Variants in GPR137B observed in about 807,000 individuals in gnomAD.
GPR137B encodes the protein integral membrane protein GPR137B.
GPR137B carries 42 observed loss-of-function variants against 42.5 expected under a neutral mutation model. That is an observed-to-expected ratio of 0.99 (90% CI 0.77 to 1.28). The LOEUF (loss-of-function observed/expected upper bound fraction) is 1.28, where lower values mean the gene tolerates loss of function less well. Ranked by LOEUF, GPR137B falls within the 50% of genes most tolerant of loss-of-function variation. The probability of loss-of-function intolerance (pLI) is 0.00; values close to 1 mark genes in which losing one functional copy is unlikely to be tolerated. For missense variants in GPR137B, 487 were observed against 493.9 expected, an observed-to-expected ratio of 0.99 and a Z score of 0.13; for synonymous variants, 218 against 209.7, an observed-to-expected ratio of 1.04 and a Z score of -0.34.
At chr1:236,180,898 T>C (rs1662852865) in intron 4 of GPR137B, among the ~76,000 whole-genome samples, 1 of 152,200 alleles carries the variant, frequency 6.6e-6, no homozygotes, top group African/African-American at 2.4e-5. Flanking sequence ...ATTACAGGCG[T>C]AAGCCACTGT....
intron 5 of GPR137B, among the ~76,000 whole-genome samples, chr1:236,197,237 T>G (rs1348248692): frequency 2.0e-5 from 3 of 151,214 alleles, no homozygotes; most frequent in African/African-American, 7.3e-5. Flanking sequence ...GGATTAGTTG[T>G]TTTTTTTTCT....
intron 1 of GPR137B, among the ~76,000 whole-genome samples, chr1:236,151,729 T>C (rs1017562557): frequency 4.6e-5 from 7 of 152,090 alleles, no homozygotes; most frequent in Non-Finnish European, 7.4e-5. Context: ...GCCTCCCTCC[T>C]CGATTTTTAA....
intron 2 of GPR137B, among the ~76,000 whole-genome samples, chr1:236,173,390 CAGGT>C (rs1032454908): frequency 2.1e-4 from 27 of 130,876 alleles, no homozygotes; most frequent in East Asian, 7.1e-4. Context: ...GAGAGAAAGA[CAGGT>C]AGGGAAAGAG....
chr1:236,204,293 G>A (rs1191439792), intron 5 of GPR137B, among the ~76,000 whole-genome samples: 1 of 152,142 alleles, frequency 6.6e-6, no homozygotes, highest in African/African-American at 2.4e-5. Flanking sequence ...CCAATGTATT[G>A]TTGAATTTGG....
rs75230118 is a variant in GPR137B, at chr1:236,156,555, G to A, written c.415-12151G>A. Among the ~76,000 whole-genome samples, 1,722 of 152,294 alleles carry A rather than the reference G, an allele frequency of 0.011. 36 individuals are homozygous for A. Among genetic ancestry groups the A allele is most frequent in the East Asian group, 0.11 (574 of 5,184 alleles). ...ATCCTAACGCAGGCATAGAGGCCCC[G>A]CCCTTGCTCGCACTGTCTTGGAGAC... On this transcript the variant is annotated intron_variant, in intron 1 of 6. Coordinates refer to ENST00000366592, the MANE Select transcript of GPR137B (RefSeq NM_003272.4). This position sits in a 1 kb window ranked among gnomAD's most constrained non-coding sequence, Gnocchi z 4.8.
In GPR137B at chr1:236,191,807, C is replaced by T. The variant is rs371063943; in HGVS notation, c.966+7901C>T. 4.6e-5 allele frequency among the ~76,000 whole-genome samples: 7 copies of T among 152,262 alleles called. No individual in the cohort carries two copies. In the East Asian group the frequency reaches 9.7e-4, roughly 21 times the overall value. Reference sequence around the variant, plus strand: ...CCCAGTCAGGATACATGGGGGTCATCGACCCACTGAAGGCGGCAGTCTGAC... The same window carrying T: ...CCCAGTCAGGATACATGGGGGTCATTGACCCACTGAAGGCGGCAGTCTGAC... On this transcript the variant is annotated intron_variant, in intron 5 of 6. Transcript: ENST00000366592.
intron 5 of GPR137B, among the ~76,000 whole-genome samples, chr1:236,189,896 T>C (rs978635327): frequency 6.6e-6 from 1 of 152,198 alleles, no homozygotes; most frequent in African/African-American, 2.4e-5. Flanking sequence ...TTTATCTGTC[T>C]AATATTGACA....
intron 5 of GPR137B, among the ~76,000 whole-genome samples, chr1:236,194,302 TTG>T (rs568654594): frequency 7.2e-5 from 11 of 152,238 alleles, no homozygotes; most frequent in African/African-American, 1.2e-4. Context: ...TTTGTAGTTT[TTG>T]TTCTTACATT....
intron 1 of GPR137B, among the ~76,000 whole-genome samples, chr1:236,159,284 A>G (rs1397312539): frequency 6.6e-6 from 1 of 152,208 alleles, no homozygotes; most frequent in Admixed American, 6.5e-5. Context: ...ACTGCACTCC[A>G]GCCTGGGTGA....
At chr1:236,188,190 T>C (rs1663088372) in intron 5 of GPR137B, among the ~76,000 whole-genome samples, 2 of 152,256 alleles carry the variant, frequency 1.3e-5, no homozygotes, top group South Asian at 4.1e-4. Context: ...GAGACTTTGC[T>C]GAAGTTGTTT....
At chr1:236,202,721 TTTAGCC>T (rs1663528622) in intron 5 of GPR137B, among the ~76,000 whole-genome samples, 1 of 152,230 alleles carries the variant, frequency 6.6e-6, no homozygotes, top group African/African-American at 2.4e-5. Context: ...TTCTCTGCTC[TTTAGCC>T]CCAAACCTCT....
At chr1:236,143,130 T>C in intron 1 of GPR137B, 94 bp downstream of exon 1, 1 of 1,124,666 alleles carries the variant, frequency 8.9e-7, no homozygotes, top group Non-Finnish European at 1.3e-6. Context: ...CGGGGGCGGG[T>C]CCGGCCCTAG....
rs73121064 is a variant in GPR137B at position 236,152,125 on chromosome 1, C to T, written c.414+9089C>T. On this transcript the variant is annotated intron_variant, in intron 1 of 6. Transcript: ENST00000366592. ...AACATAAAGTTCAACTGGAACATGG[C>T]GATTCATTTCATTTATTCAACAGGT... Among the ~76,000 whole-genome samples, 42 of 151,998 alleles carry T rather than the reference C, an allele frequency of 2.8e-4. 1 individual carries two copies. The highest frequency in any genetic ancestry group is 5.9e-5 in the Non-Finnish European group (4 of 67,982).
chr1:236,201,721 T>C (rs1419595720), intron 5 of GPR137B, among the ~76,000 whole-genome samples: 1 of 152,140 alleles, frequency 6.6e-6, no homozygotes, highest in Non-Finnish European at 1.5e-5. Context: ...TCTCTTTGAG[T>C]AGCTTAATAA....
At chr1:236,158,847 T>G (rs1025562129) in intron 1 of GPR137B, among the ~76,000 whole-genome samples, 2 of 152,146 alleles carry the variant, frequency 1.3e-5, no homozygotes, top group Non-Finnish European at 2.9e-5. Context: ...AGAGGATTTA[T>G]AAAGTAAAAT....
rs574565278 is a variant in GPR137B, at chr1:236,171,910, A to G, written c.464+3155A>G. 5.9e-5 allele frequency among the ~76,000 whole-genome samples: 9 copies of G among 152,142 alleles called. No individual in the cohort carries two copies. Among genetic ancestry groups the G allele is most frequent in the Non-Finnish European group, 1.3e-4 (9 of 68,024 alleles). On this transcript the variant is annotated intron_variant, in intron 2 of 6. Transcript: ENST00000366592. This position sits in a 1 kb window ranked among gnomAD's most constrained non-coding sequence, Gnocchi z 4.4. ...AAAAATTAGCCAGGCATGATGGCGC[A>G]TGCCTGTAATCCCAGCTACTTGGGA...
At chr1:236,179,388 C>T (rs948096155) in intron 3 of GPR137B, among the ~76,000 whole-genome samples, 2 of 152,046 alleles carry the variant, frequency 1.3e-5, no homozygotes, top group Non-Finnish European at 2.9e-5. Flanking sequence ...CAGGTAATTC[C>T]GAGTCCAAAG....
chr1:236,168,399 G>T (rs891929121), intron 1 of GPR137B, among the ~76,000 whole-genome samples: 2 of 150,826 alleles, frequency 1.3e-5, no homozygotes, highest in African/African-American at 2.4e-5. Flanking sequence ...CTCCAGCTCG[G>T]GCAACAAGAG....
Position 236,155,115 on chromosome 1 carries a change from C to T in GPR137B, c.414+12079C>T, listed in dbSNP as rs185658179. 1.3e-5 allele frequency among the ~76,000 whole-genome samples: 2 copies of T among 152,190 alleles called. No homozygotes were observed. Among genetic ancestry groups the T allele is most frequent in the South Asian group, 2.1e-4 (1 of 4,830 alleles). On this transcript the variant is annotated intron_variant, in intron 1 of 6. Transcript: ENST00000366592. This position sits in a 1 kb window ranked among gnomAD's most constrained non-coding sequence, Gnocchi z 4.6. The stretch of plus-strand genomic sequence containing the variant: ...AGAATTATTTGCCTCCACCTCTGTG[C>T]GGAACTGATGCCGAGACGGACTCCA...
Sources: gnomAD v4.1 joint callset for allele counts (sites outside exome capture counted in the v4.1 genomes callset) on GRCh38, gnomAD v4.1.1 for gene constraint, Gnocchi (gnomAD v3.1) non-coding constraint, MANE v1.5 for transcripts, NCBI Gene and HGNC (gene_info 2026-07-23, HGNC 2026-07-21) for gene names.